FAM241B: variants seen among roughly 807,000 people sequenced by gnomAD.
FAM241B encodes protein FAM241B.
FAM241B carries 7 observed loss-of-function variants against 9.3 expected under a neutral mutation model. That is an observed-to-expected ratio of 0.75 (90% CI 0.43 to 1.41). FAM241B has a LOEUF of 1.41. Among genes scored for constraint, FAM241B ranks in the 40% most tolerant of loss-of-function variants. The pLI is 0.01. For missense variants in FAM241B, 136 were observed against 159.6 expected, an observed-to-expected ratio of 0.85 and a Z score of 0.80; for synonymous variants, 60 against 64.1, an observed-to-expected ratio of 0.94 and a Z score of 0.31.
Position 69,633,362 on chromosome 10 carries a change from C to T in FAM241B, c.*303C>T, listed in dbSNP as rs1162431322. 7.0e-6 allele frequency: 3 copies of T among 429,756 alleles called. No homozygotes were observed. The highest frequency in any genetic ancestry group is 2.8e-5 in the South Asian group (1 of 35,248). 26.6% of individuals were successfully genotyped at this position (429,756 alleles called of 1,614,324 possible). ...TCCCAATTCTCTCAATCCTTTTATGCCGAGAAGATCTCAGCTGGATGCCAA... is the reference window on the plus strand; with the variant it reads ...TCCCAATTCTCTCAATCCTTTTATGTCGAGAAGATCTCAGCTGGATGCCAA... On this transcript the variant is annotated 3_prime_UTR_variant, in exon 4 of 4. Coordinates refer to ENST00000373279, the MANE Select transcript of FAM241B (RefSeq NM_145306.3).
chr10:69,632,918 C>T lies in FAM241B; in HGVS notation c.225C>T (p.Gly75=), dbSNP rs142263974. The T allele has an allele frequency of 1.9e-4, 306 of 1,614,218 alleles. No homozygotes were observed. Among genetic ancestry groups the T allele is most frequent in the Non-Finnish European group, 2.3e-4 (277 of 1,180,038 alleles). Residue 75 remains glycine (G), a synonymous_variant, in exon 4 of 4, where the codon GGC becomes GGT. Transcript: ENST00000373279. ...TCAACCGGCAGCTGGTGAACATGGG[C>T]TTTCCGCAGTGGCATCTTGGCAACC... ...NDLNRQLVNM[G]FPQWHLGNHA... is the part of the protein sequence containing the mutation.
chr10:69,632,941 A>G lies in FAM241B; in HGVS notation c.248A>G (p.Asn83Ser), dbSNP rs1016187687. 1 of 1,614,026 alleles carries G rather than the reference A, an allele frequency of 6.2e-7. No homozygotes were observed. Among genetic ancestry groups the G allele is most frequent in the African/African-American group, 1.3e-5 (1 of 74,914 alleles). ...NMGFPQWHLGNHAVEPVTSIL... is the reference protein window; with the variant it reads ...NMGFPQWHLGSHAVEPVTSIL... The stretch of plus-strand genomic sequence containing the variant: ...GGCTTTCCGCAGTGGCATCTTGGCA[A>G]CCATGCTGTGGAGCCGGTGACCTCC... The change falls in exon 4 of 4, where the codon AAC becomes AGC. Residue 83 changes from asparagine (N) to serine (S), a missense_variant. Asn to Ser is a conservative substitution (Grantham distance 46, BLOSUM62 1). Coordinates refer to ENST00000373279, the MANE Select transcript of FAM241B (RefSeq NM_145306.3).
At chr10:69,630,622 CCT>C in intron 1 of FAM241B, 1 of 1,297,700 alleles carries the variant, frequency 7.7e-7, no homozygotes. Context: ...GGGCTCCTGA[CCT>C]TTTTCGGCAT....
chr10:69,631,727 C>T lies in FAM241B; in HGVS notation c.-17C>T, dbSNP rs1473080007. 6 of 1,610,606 alleles carry T rather than the reference C, an allele frequency of 3.7e-6. No homozygotes were observed. In the African/African-American group the frequency reaches 4.0e-5, roughly 11 times the overall value. On this transcript the variant is annotated 5_prime_UTR_variant, in exon 3 of 4. Coordinates refer to ENST00000373279, the MANE Select transcript of FAM241B (RefSeq NM_145306.3). Reference sequence around the variant, plus strand: ...AATGCAGGTGCAGCCCATCAGGGACCCACAGCGCCTGGGAGGATGGTGCGG... The same window carrying T: ...AATGCAGGTGCAGCCCATCAGGGACTCACAGCGCCTGGGAGGATGGTGCGG...
rs1360668444 is a variant in FAM241B at position 69,632,985 on chromosome 10, C to A, written c.292C>A (p.Leu98Ile). The A allele has an allele frequency of 6.2e-7, 1 of 1,614,208 alleles. No homozygotes were observed. The highest frequency in any genetic ancestry group is 1.7e-5 in the Admixed American group (1 of 60,024). The change falls in exon 4 of 4, where the codon CTC becomes ATC. Residue 98 changes from leucine to isoleucine, a missense_variant. Physicochemically the swap from Leu to Ile is conservative, Grantham distance 5. Transcript: ENST00000373279. The part of the protein sequence containing the change: ...PVTSILLLFL[L>I]MMLGVRGLLL... ...GACCTCCATCCTGCTCCTCTTCCTG[C>A]TCATGATGCTTGGTGTTCGTGGCCT...
At chr10:69,631,419 G>A in intron 1 of FAM241B, 61 bp from the exon 2 acceptor site, 1 of 1,330,736 alleles carries the variant, frequency 7.5e-7, no homozygotes, top group Non-Finnish European at 1.0e-6. Flanking sequence ...TGGACTCAAT[G>A]TCTGAAATCT....
Position 69,631,539 on chromosome 10 carries a change from C to T in FAM241B, c.-44C>T. 1 of 1,544,188 alleles carries T rather than the reference C, an allele frequency of 6.5e-7. No homozygotes were observed. The highest frequency in any genetic ancestry group is 1.2e-5 in the South Asian group (1 of 83,172). On this transcript the variant is annotated 5_prime_UTR_variant, in exon 2 of 4. Transcript: ENST00000373279. The stretch of plus-strand genomic sequence containing the variant: ...AACATCACTGACTGCAAGCCTCCCT[C>T]AATTTCTGGTAAATTTTTTCCTTCA...
chr10:69,632,810 T>C lies in FAM241B; in HGVS notation c.117T>C (p.His39=), dbSNP rs1404821626. Residue 39 remains histidine (H), a synonymous_variant, in exon 4 of 4, where the codon CAT becomes CAC. Coordinates refer to ENST00000373279, the MANE Select transcript of FAM241B (RefSeq NM_145306.3). ...IPRQSFFNRG[H]GAPPGGPGPR... Reference sequence around the variant, plus strand: ...TCCAGAGCTTCTTCAACAGGGGCCATGGTGCTCCCCCAGGGGGTCCTGGCC... The same window carrying C: ...TCCAGAGCTTCTTCAACAGGGGCCACGGTGCTCCCCCAGGGGGTCCTGGCC... The C allele has an allele frequency of 1.2e-6, 2 of 1,613,718 alleles. No individual in the cohort carries two copies. Among genetic ancestry groups the C allele is most frequent in the Admixed American group, 3.3e-5 (2 of 60,012 alleles).
chr10:69,633,195 C>T lies in FAM241B; in HGVS notation c.*136C>T. ...AGGGGACCACAGGTGTGTGTTTCCC[C>T]TTTGTGTTAAGCGTGAGGCAGAGGG... On this transcript the variant is annotated 3_prime_UTR_variant, in exon 4 of 4. Transcript: ENST00000373279. 1 of 1,312,708 alleles carries T rather than the reference C, an allele frequency of 7.6e-7. No homozygotes were observed. Among genetic ancestry groups the T allele is most frequent in the East Asian group, 2.3e-5 (1 of 43,260 alleles). The allele number at this position is 1,312,708 out of a possible 1,614,324, so 81.3% of individuals were successfully genotyped here. A position where few individuals can be genotyped will look rare whatever the true frequency, so the allele number is the denominator to read the frequency against.
Position 69,633,303 on chromosome 10 carries a change from G to C in FAM241B, c.*244G>C. The C allele has an allele frequency of 1.7e-6, 1 of 573,586 alleles. No homozygotes were observed. Among genetic ancestry groups the C allele is most frequent in the Non-Finnish European group, 3.1e-6 (1 of 325,670 alleles). The allele number at this position is 573,586 out of a possible 1,614,324, so 35.5% of individuals were successfully genotyped here. The stretch of plus-strand genomic sequence containing the variant: ...TTAGGTGGTATGGGGCCTGCATTAA[G>C]TGGCACAAAATCAGAGCAAGAAAGC... On this transcript the variant is annotated 3_prime_UTR_variant, in exon 4 of 4. Transcript: ENST00000373279.
At chr10:69,632,059 C>G (rs1461175831) in intron 3 of FAM241B, among the ~76,000 whole-genome samples, 1 of 152,184 alleles carries the variant, frequency 6.6e-6, no homozygotes, top group Non-Finnish European at 1.5e-5. Flanking sequence ...TCTCCTTTAA[C>G]TTGGTTAGCA....
intron 1 of FAM241B, among the ~76,000 whole-genome samples, 172 bp from the exon 2 acceptor site, chr10:69,631,308 G>A (rs922415689): frequency 1.3e-5 from 2 of 152,242 alleles, no homozygotes; most frequent in Non-Finnish European, 2.9e-5. Context: ...TCCACGGGGC[G>A]TGGGCCACAG....
chr10:69,631,032 G>A (rs376258040), intron 1 of FAM241B, among the ~76,000 whole-genome samples: 1 of 152,194 alleles, frequency 6.6e-6, no homozygotes, highest in African/African-American at 2.4e-5. Flanking sequence ...CTCCCTGGGG[G>A]AGCAACACAC....
intron 1 of FAM241B, 60 bp from the exon 2 acceptor site, chr10:69,631,420 T>C: frequency 7.5e-7 from 1 of 1,334,630 alleles, no homozygotes; most frequent in Non-Finnish European, 1.0e-6. Flanking sequence ...GGACTCAATG[T>C]CTGAAATCTT....
chr10:69,631,065 G>C (rs1459245011), intron 1 of FAM241B, among the ~76,000 whole-genome samples: 2 of 152,176 alleles, frequency 1.3e-5, no homozygotes, highest in Admixed American at 6.5e-5. Flanking sequence ...TTAGTGGAAG[G>C]GAATTGGAAC....
intron 1 of FAM241B, among the ~76,000 whole-genome samples, 178 bp from the exon 2 acceptor site, chr10:69,631,302 C>T (rs542943763): frequency 2.0e-4 from 31 of 152,316 alleles, no homozygotes; most frequent in African/African-American, 6.7e-4. Context: ...GGGCCTTCCA[C>T]GGGGCGTGGG....
At chr10:69,632,603 G>T (rs140649090) in intron 3 of FAM241B, among the ~76,000 whole-genome samples, 187 bp from the exon 4 acceptor site, 2 of 152,110 alleles carry the variant, frequency 1.3e-5, no homozygotes, top group African/African-American at 2.4e-5. Context: ...AGACTGGCAT[G>T]TTCTGTGCTC....
chr10:69,633,283 T>A lies in FAM241B; in HGVS notation c.*224T>A. ...CGTTGGTTCCCAAGATACTTTTAGG[T>A]GGTATGGGGCCTGCATTAAGTGGCA... On this transcript the variant is annotated 3_prime_UTR_variant, in exon 4 of 4. Transcript: ENST00000373279. 1.6e-6 allele frequency: 1 copy of A among 626,204 alleles called. No individual in the cohort carries two copies. The highest frequency in any genetic ancestry group is 2.8e-5 in the East Asian group (1 of 35,550). The allele number at this position is 626,204 out of a possible 1,614,324, so 38.8% of individuals were successfully genotyped here.
At position 69,630,656 on chromosome 10, in the gene FAM241B, G is replaced by A. The variant is rs199666084; in HGVS notation, c.-104+343G>A. On this transcript the variant is annotated intron_variant, in intron 1 of 3. Transcript: ENST00000373279. ...GCATACATGTCACCAGTGCTATCTG[G>A]AATGTAGGTGGACACTGAGGCTCAT... 6,740 of 1,298,896 alleles carry A rather than the reference G, an allele frequency of 5.2e-3. 20 individuals are homozygous for A. Among genetic ancestry groups the A allele is most frequent in the Middle Eastern group, 0.01 (48 of 4,686 alleles). 80.5% of individuals were successfully genotyped at this position (1,298,896 alleles called of 1,614,324 possible).
Sources: allele counts gnomAD v4.1 joint callset (sites outside exome capture counted in the v4.1 genomes callset), GRCh38; gene constraint gnomAD v4.1.1; transcripts MANE v1.5; gene names NCBI Gene and HGNC (gene_info 2026-07-23, HGNC 2026-07-21).